DENND4C: variants seen among roughly 807,000 people sequenced by gnomAD.
DENND4C encodes the protein DENN domain-containing protein 4C.
DENND4C carries 108 observed loss-of-function variants against 203.0 expected under a neutral mutation model. The observed-to-expected ratio is 0.53, with a 90% CI of 0.46 to 0.62. The LOEUF (loss-of-function observed/expected upper bound fraction) is 0.62, where lower values mean the gene tolerates loss of function less well. DENND4C is among the 20% of genes least tolerant of loss of function. The probability of loss-of-function intolerance (pLI) is 0.00; values close to 1 mark genes in which losing one functional copy is unlikely to be tolerated. For synonymous variants in DENND4C, 871 were observed against 792.4 expected (o/e 1.10, Z -1.67); for missense variants, 2,481 against 2,301.2 (o/e 1.08, Z -1.60).
chr9:19,278,423 C>G (rs1833351212), intron 2 of DENND4C, among the ~76,000 whole-genome samples: 1 of 152,074 alleles, frequency 6.6e-6, no homozygotes, highest in Non-Finnish European at 1.5e-5. Flanking sequence ...GTTACCACAC[C>G]TGGCCACTGA....
At chr9:19,370,705 A>G (rs562064063) in intron 31 of DENND4C, among the ~76,000 whole-genome samples, 1 of 152,348 alleles carries the variant, frequency 6.6e-6, no homozygotes, top group Admixed American at 6.5e-5. Flanking sequence ...GTGAACTACA[A>G]AGGATATGGA....
Position 19,235,540 on chromosome 9 carries a change from C to A in DENND4C, c.-18+4707C>A, listed in dbSNP as rs999342001. On this transcript the variant is annotated intron_variant, in intron 1 of 32. Coordinates refer to ENST00000434457, the MANE Select transcript of DENND4C (RefSeq NM_001330640.2). Reference sequence around the variant, plus strand: ...TGGGGCTTAAATGTTTTGAAGTGTTCTTTGTTTCATTCAAACCTAATTATC... The same window carrying A: ...TGGGGCTTAAATGTTTTGAAGTGTTATTTGTTTCATTCAAACCTAATTATC... Among the ~76,000 whole-genome samples, 2 of 147,678 alleles carry A rather than the reference C, an allele frequency of 1.4e-5. 1 individual carries two copies. The highest frequency in any genetic ancestry group is 4.3e-4 in the South Asian group (2 of 4,640).
rs750242605 is a variant in DENND4C at position 19,328,065 on chromosome 9, T to C, written c.2156T>C (p.Phe719Ser). ...KYFPRLDLKL[F>S]DRPQELKLCF... ...TTTCCAAGACTGGACCTTAAGCTTTTTGACAGACCGCAGGAGTTGAAACTT... is the reference window on the plus strand; with the variant it reads ...TTTCCAAGACTGGACCTTAAGCTTTCTGACAGACCGCAGGAGTTGAAACTT... Residue 719 changes from phenylalanine to serine, a missense_variant, in exon 16 of 33, where the codon TTT becomes TCT. By Grantham distance (155) the Phe-to-Ser change is radical. Around this residue, in one of 3 missense-constraint regions of DENND4C, gnomAD observed 2,289 missense variants for 2,113.3 expected, o/e 1.08. Coordinates refer to ENST00000434457, the MANE Select transcript of DENND4C (RefSeq NM_001330640.2). 5 of 1,613,054 alleles carry C rather than the reference T, an allele frequency of 3.1e-6. No homozygotes were observed. Among genetic ancestry groups the C allele is most frequent in the Non-Finnish European group, 4.2e-6 (5 of 1,179,674 alleles).
At chr9:19,297,953 A>G (rs1251834806) in intron 6 of DENND4C, 103 bp from the exon 7 acceptor site, 4 of 865,082 alleles carry the variant, frequency 4.6e-6, no homozygotes, top group East Asian at 2.8e-5. Flanking sequence ...ATAAATGGCC[A>G]TGTCATATCT....
At chr9:19,259,607 C>T (rs1283177105) in intron 1 of DENND4C, among the ~76,000 whole-genome samples, 4 of 150,322 alleles carry the variant, frequency 2.7e-5, no homozygotes, top group Admixed American at 6.7e-5. Flanking sequence ...CAGGTTCAAG[C>T]GATTTCTCCT....
intron 2 of DENND4C, among the ~76,000 whole-genome samples, chr9:19,277,680 G>A (rs1271335993): frequency 6.6e-6 from 1 of 151,932 alleles, no homozygotes; most frequent in Non-Finnish European, 1.5e-5. Flanking sequence ...ACTCTGGCTA[G>A]AACTTTTAGT....
Position 19,328,502 on chromosome 9 carries a change from A to C in DENND4C, c.2253+340A>C, listed in dbSNP as rs1203700309. On this transcript the variant is annotated intron_variant, in intron 16 of 32. Transcript: ENST00000434457. ...GTGTCAGGCGCCTGTGATCCCAGCTACTCGGGAGGCTAAGGCAGGAGAATC... is the reference window on the plus strand; with the variant it reads ...GTGTCAGGCGCCTGTGATCCCAGCTCCTCGGGAGGCTAAGGCAGGAGAATC... Among the ~76,000 whole-genome samples, 4 of 152,028 alleles carry C rather than the reference A, an allele frequency of 2.6e-5. No individual in the cohort carries two copies. In the East Asian group the frequency reaches 7.7e-4, roughly 29 times the overall value.
rs1819363684 is a variant in DENND4C at position 19,332,151 on chromosome 9, G to A, written c.2427G>A (p.Lys809=). 6.8e-6 allele frequency: 11 copies of A among 1,613,978 alleles called. No individual in the cohort carries two copies. Among genetic ancestry groups the A allele is most frequent in the Non-Finnish European group, 9.3e-6 (11 of 1,179,952 alleles). ...AGCAGGCATATGATGTACTTATTAA[G>A]ATGAGGAAAACAGATGTGGATCCCT... ...ALQQAYDVLI[K]MRKTDVDPLD... The change falls in exon 17 of 33, where the codon AAG becomes AAA. Residue 809 remains lysine, a synonymous_variant. Transcript: ENST00000434457.
intron 20 of DENND4C, among the ~76,000 whole-genome samples, chr9:19,340,195 C>CT (rs55859047): frequency 0.22 from 33,879 of 152,044 alleles, 4,811 homozygotes; most frequent in Non-Finnish European, 0.33. Context: ...TGCTTCTAAA[C>CT]TTTTTTCCTA....
rs141548982 is a variant in DENND4C at position 19,254,005 on chromosome 9, A to G, written c.-17-22153A>G. Among the ~76,000 whole-genome samples, 777 of 152,300 alleles carry G rather than the reference A, an allele frequency of 5.1e-3. 6 individuals are homozygous for G. The highest frequency in any genetic ancestry group is 0.02 in the Middle Eastern group (6 of 294). On this transcript the variant is annotated intron_variant, in intron 1 of 32. Transcript: ENST00000434457. ...AAAATACAAAAATTATAGTTGGAAA[A>G]TGAATTTTAATTGTTAAACTGTATA...
At chr9:19,306,229 G>C (rs943791523) in intron 10 of DENND4C, among the ~76,000 whole-genome samples, 1 of 152,150 alleles carries the variant, frequency 6.6e-6, no homozygotes, top group Non-Finnish European at 1.5e-5. Flanking sequence ...ATTCTTTACT[G>C]TTTGAGATTG....
In DENND4C at chr9:19,361,829, C is replaced by G. The variant is rs763198332; in HGVS notation, c.5407-17C>G. ...GTTATTCTCGGGATACTAATACTTT[C>G]TTTTGATTTCTTTTAGCTTCCTCTG... On this transcript the variant is annotated splice_polypyrimidine_tract_variant and intron_variant, in intron 29 of 32. Transcript: ENST00000434457. The G allele has an allele frequency of 2.1e-6, 3 of 1,452,108 alleles. No homozygotes were observed. The highest frequency in any genetic ancestry group is 2.3e-5 in the South Asian group (2 of 87,406). The allele number at this position is 1,452,108 out of a possible 1,614,324, so 90.0% of individuals were successfully genotyped here.
rs1175951973 is a variant in DENND4C at position 19,372,283 on chromosome 9, G to A, written c.*110G>A. 7.5e-7 allele frequency: 1 copy of A among 1,327,390 alleles called. No homozygotes were observed. Among genetic ancestry groups the A allele is most frequent in the Non-Finnish European group, 1.0e-6 (1 of 965,760 alleles). 82.2% of individuals were successfully genotyped at this position (1,327,390 alleles called of 1,614,324 possible). On this transcript the variant is annotated 3_prime_UTR_variant, in exon 33 of 33. Transcript: ENST00000434457. ...AAGAACTGGTGAATACGGAATTGAA[G>A]TAACTCTTGGGGACAATATATAATG...
At position 19,249,142 on chromosome 9, in the gene DENND4C, G is replaced by A. The variant is rs529408825; in HGVS notation, c.-18+18309G>A. ...TAAGTTTACTAATTATTTTCCAACC[G>A]TAATATAAGCTCCATAAAGACAAGT... On this transcript the variant is annotated intron_variant, in intron 1 of 32. Transcript: ENST00000434457. Among the ~76,000 whole-genome samples the A allele has an allele frequency of 4.0e-5, 6 of 151,846 alleles. No individual in the cohort carries two copies. The South Asian group carries it at 1.3e-3, about 32-fold the overall frequency.
chr9:19,267,825 C>T (rs372757386), intron 1 of DENND4C, among the ~76,000 whole-genome samples: 1 of 152,260 alleles, frequency 6.6e-6, no homozygotes, highest in Admixed American at 6.5e-5. Context: ...AGGCATGAAC[C>T]ACTGTGCCCA....
intron 2 of DENND4C, among the ~76,000 whole-genome samples, chr9:19,276,919 G>A (rs893629480): frequency 6.6e-6 from 1 of 151,882 alleles, no homozygotes; most frequent in African/African-American, 2.4e-5. Flanking sequence ...GTTGTAACGT[G>A]TGGCTTTCAA....
chr9:19,357,672 T>C (rs1825701764), intron 27 of DENND4C: 1 of 269,364 alleles, frequency 3.7e-6, no homozygotes, highest in African/African-American at 2.2e-5. Context: ...TTAATAAAGA[T>C]GAAATAATAT....
intron 1 of DENND4C, among the ~76,000 whole-genome samples, chr9:19,240,721 C>T (rs7040994): frequency 6.6e-6 from 1 of 150,466 alleles, no homozygotes; most frequent in Admixed American, 6.7e-5. Context: ...AATCCCAGCA[C>T]TTTGGGAGGC....
intron 1 of DENND4C, among the ~76,000 whole-genome samples, chr9:19,255,404 C>G (rs1284521249): frequency 2.3e-5 from 1 of 43,288 alleles, no homozygotes; most frequent in Non-Finnish European, 6.1e-5. Flanking sequence ...GATCCTGCCT[C>G]CAAAAAAAAA....
Sources: gnomAD v4.1 joint callset for allele counts (sites outside exome capture counted in the v4.1 genomes callset) on GRCh38, gnomAD v4.1.1 for gene constraint, gnomAD v4.1.1 regional missense constraint, MANE v1.5 for transcripts, NCBI Gene and HGNC (gene_info 2026-07-23, HGNC 2026-07-21) for gene names.